The following SNX29 variants were observed in gnomAD, a reference collection of about 807,000 sequenced individuals.
The protein encoded by SNX29 is sorting nexin 29.
SNX29 carries 78 observed loss-of-function variants against 102.1 expected under a neutral mutation model. The ratio of observed to expected loss-of-function variants is 0.76; its 90% confidence interval spans 0.64 to 0.92. The LOEUF is 0.92. Among genes scored for constraint, SNX29 ranks in the 40% least tolerant of loss-of-function variants. SNX29 has a pLI of 0.00. For missense variants in SNX29, 1,280 were observed against 1,061.7 expected (o/e 1.21, Z -2.86); for synonymous variants, 580 against 414.5 (o/e 1.40, Z -4.85).
chr16:12,244,447 A>G (rs1200252026), intron 14 of SNX29, among the ~76,000 whole-genome samples: 8 of 152,158 alleles, frequency 5.3e-5, no homozygotes, highest in African/African-American at 1.9e-4. Flanking sequence ...TGTCTCTACC[A>G]AAAATACAAA....
chr16:12,512,487 C>T (rs772433409), intron 19 of SNX29, among the ~76,000 whole-genome samples: 2 of 146,796 alleles, frequency 1.4e-5, no homozygotes, highest in African/African-American at 2.5e-5. Context: ...GATCTCAGCT[C>T]ACTGCAGCCT....
chr16:12,064,093 G>T (rs1317565194), intron 9 of SNX29, among the ~76,000 whole-genome samples: 1 of 152,100 alleles, frequency 6.6e-6, no homozygotes, highest in Non-Finnish European at 1.5e-5. Flanking sequence ...CCATGGAGGG[G>T]TCTTGTAGTT....
intron 11 of SNX29, among the ~76,000 whole-genome samples, chr16:12,099,668 C>T (rs906865225): frequency 5.3e-5 from 8 of 152,174 alleles, no homozygotes; most frequent in Non-Finnish European, 8.8e-5. Context: ...CTTTTGTATT[C>T]AGACTCCCAC....
Position 12,029,702 on chromosome 16 carries a change from C to T in SNX29, c.247+2258C>T, listed in dbSNP as rs538926596. The T allele has an allele frequency of 1.2e-4, 52 of 438,412 alleles. 1 individual carries two copies. The East Asian group carries it at 1.7e-3, about 14-fold the overall frequency. 27.2% of individuals were successfully genotyped at this position (438,412 alleles called of 1,614,324 possible). ...TGCCTCCCAGGTGCAAGTGATTCTCCAGCCTCAGCCACCTGAGTAGCTGGG... is the reference window on the plus strand; with the variant it reads ...TGCCTCCCAGGTGCAAGTGATTCTCTAGCCTCAGCCACCTGAGTAGCTGGG... On this transcript the variant is annotated intron_variant, in intron 4 of 20. Coordinates refer to ENST00000566228, the MANE Select transcript of SNX29 (RefSeq NM_032167.5).
At chr16:12,531,278 G>C (rs914507418) in intron 20 of SNX29, among the ~76,000 whole-genome samples, 1 of 152,212 alleles carries the variant, frequency 6.6e-6, no homozygotes, top group African/African-American at 2.4e-5. Context: ...ACTGGGACCT[G>C]GGGTGGAAGT....
intron 14 of SNX29, among the ~76,000 whole-genome samples, chr16:12,261,669 T>TGC (rs2078769821): frequency 1.7e-5 from 2 of 119,128 alleles, no homozygotes; most frequent in Non-Finnish European, 1.7e-5. Flanking sequence ...GGTCTGCACG[T>TGC]GTCCCCGGCT....
intron 18 of SNX29, among the ~76,000 whole-genome samples, chr16:12,476,408 AT>A (rs2087629128): frequency 4.3e-5 from 1 of 23,382 alleles, no homozygotes; most frequent in African/African-American, 4.2e-4. Context: ...ATATATATAT[AT>A]ATACATATAT....
chr16:12,535,936 G>C (rs1309585733), intron 20 of SNX29, among the ~76,000 whole-genome samples: 1 of 152,120 alleles, frequency 6.6e-6, no homozygotes, highest in African/African-American at 2.4e-5. Flanking sequence ...ATGGGGCTGG[G>C]GAGGGTTAAG....
chr16:12,568,414 C>G (rs2079104461), intron 20 of SNX29, 92 bp from the exon 21 acceptor site: 9 of 1,525,870 alleles, frequency 5.9e-6, no homozygotes, highest in South Asian at 1.2e-5. Context: ...CAATCAGATC[C>G]CTCCTGCCCT....
chr16:12,476,422 A>ATATATATATACATG (rs2087642165), intron 18 of SNX29, among the ~76,000 whole-genome samples: 1 of 81,878 alleles, frequency 1.2e-5, no homozygotes, highest in Non-Finnish European at 2.4e-5. Flanking sequence ...ACATATATAT[A>ATATATATATACATG]TATATATATA....
intron 20 of SNX29, among the ~76,000 whole-genome samples, chr16:12,537,582 ACTT>A (rs920279880): frequency 4.6e-5 from 7 of 152,196 alleles, no homozygotes; most frequent in South Asian, 2.1e-4. Context: ...CTTTGTTTTT[ACTT>A]CTTTGTTCAA....
chr16:12,452,418 G>T (rs920571023), intron 18 of SNX29, among the ~76,000 whole-genome samples: 2 of 21,904 alleles, frequency 9.1e-5, no homozygotes, highest in African/African-American at 1.5e-3. Context: ...AGTGCTCTGT[G>T]CCAGGGACTG....
chr16:12,563,211 G>C (rs942876247), intron 20 of SNX29, among the ~76,000 whole-genome samples: 3 of 152,096 alleles, frequency 2.0e-5, no homozygotes, highest in Non-Finnish European at 4.4e-5. Context: ...CTGGGATTGA[G>C]GCTCATACCC....
intron 11 of SNX29, among the ~76,000 whole-genome samples, chr16:12,123,162 G>A (rs776916956): frequency 6.6e-6 from 1 of 152,116 alleles, no homozygotes; most frequent in Non-Finnish European, 1.5e-5. Flanking sequence ...GACAAAAATT[G>A]TATGTATTCA....
intron 15 of SNX29, among the ~76,000 whole-genome samples, chr16:12,355,678 C>G (rs776649657): frequency 6.6e-6 from 1 of 151,920 alleles, no homozygotes; most frequent in Non-Finnish European, 1.5e-5. Context: ...TATTGGGGAT[C>G]AGCTGAGAAT....
At position 12,312,744 on chromosome 16, in the gene SNX29, C is replaced by T. The variant is rs560968203; in HGVS notation, c.1782+34708C>T. Among the ~76,000 whole-genome samples the T allele has an allele frequency of 3.3e-5, 5 of 152,094 alleles. No homozygotes were observed. In the South Asian group the frequency reaches 1.0e-3, roughly 32 times the overall value. On this transcript the variant is annotated intron_variant, in intron 15 of 20. Coordinates refer to ENST00000566228, the MANE Select transcript of SNX29 (RefSeq NM_032167.5). ...CTTAAACAATTTATAGGCCAAATAA[C>T]TTCCATGGTAAGGGAGAAACTGATA...
chr16:12,481,216 A>G (rs1020280725), intron 19 of SNX29, among the ~76,000 whole-genome samples: 2 of 152,182 alleles, frequency 1.3e-5, no homozygotes, highest in East Asian at 3.9e-4. Flanking sequence ...CAAGTGCACC[A>G]GCTGGTTCTT....
At chr16:12,031,495 A>G (rs1487768373) in intron 4 of SNX29, among the ~76,000 whole-genome samples, 1 of 151,694 alleles carries the variant, frequency 6.6e-6, no homozygotes, top group African/African-American at 2.4e-5. Flanking sequence ...CTACTGGCGA[A>G]ACTTCTATTC....
intron 18 of SNX29, among the ~76,000 whole-genome samples, chr16:12,436,328 C>G (rs1283462917): frequency 6.6e-6 from 1 of 152,260 alleles, no homozygotes; most frequent in East Asian, 1.9e-4. Context: ...GGGGAAGGAA[C>G]GAAGACAGGA....
Sources: gnomAD v4.1 joint callset for allele counts (sites outside exome capture counted in the v4.1 genomes callset) on GRCh38, gnomAD v4.1.1 for gene constraint, MANE v1.5 for transcripts, NCBI Gene and HGNC (gene_info 2026-07-23, HGNC 2026-07-21) for gene names.